The following PARN variants were observed in gnomAD, a reference collection of about 807,000 sequenced individuals.
PARN encodes poly(A)-specific ribonuclease PARN.
PARN carries 71 observed loss-of-function variants against 102.8 expected under a neutral mutation model. The ratio of observed to expected loss-of-function variants is 0.69; its 90% CI spans 0.57 to 0.84. The LOEUF is 0.84. PARN is among the 40% of genes least tolerant of loss of function. The pLI, the probability that PARN is intolerant of heterozygous loss-of-function variation, is 0.00. For missense variants in PARN, 782 were observed against 760.9 expected (o/e 1.03, Z -0.33); for synonymous variants, 261 against 252.9 (o/e 1.03, Z -0.30).
At chr16:14,560,438 T>TA (rs905483771) in intron 18 of PARN, among the ~76,000 whole-genome samples, 15 of 152,238 alleles carry the variant, frequency 9.9e-5, no homozygotes, top group Non-Finnish European at 1.5e-5. Flanking sequence ...TTTCCCCACT[T>TA]ATTCTCTAAA....
At chr16:14,550,749 A>G (rs768295488) in intron 21 of PARN, among the ~76,000 whole-genome samples, 4 of 152,208 alleles carry the variant, frequency 2.6e-5, no homozygotes, top group Non-Finnish European at 5.9e-5. Context: ...AAACAAACAC[A>G]TCACTTAAAA....
chr16:14,550,954 T>C (rs895940245), intron 21 of PARN, among the ~76,000 whole-genome samples: 3 of 152,040 alleles, frequency 2.0e-5, no homozygotes, highest in African/African-American at 7.2e-5. Context: ...GCTCCATCTT[T>C]TTAGAATCCC....
chr16:14,603,963 T>C (rs1971028632), intron 11 of PARN, among the ~76,000 whole-genome samples, 183 bp downstream of exon 11: 1 of 152,262 alleles, frequency 6.6e-6, no homozygotes, highest in Admixed American at 6.5e-5. Flanking sequence ...CTTTGCTAGC[T>C]ACGTCTCATG....
Position 14,463,852 on chromosome 16 carries a change from C to CGGGG in PARN, c.1671-16772_1671-16771insCCCC, listed in dbSNP as rs1379207947. Among the ~76,000 whole-genome samples, 25 of 106,740 alleles carry CGGGG rather than the reference C, an allele frequency of 2.3e-4. 1 individual carries two copies. Among genetic ancestry groups the CGGGG allele is most frequent in the African/African-American group, 8.6e-4 (21 of 24,434 alleles). The allele number at this position is 106,740 out of a possible 152,430, so 70.0% of individuals were successfully genotyped here. A position where few individuals can be genotyped will look rare whatever the true frequency, so the allele number is the denominator to read the frequency against. On this transcript the variant is annotated intron_variant, in intron 22 of 23. Transcript: ENST00000437198. ...ACTTTTTTTTTTGGGGGGGGGGGGA[C>CGGGG]GACAAGGTCTCACTCTGTCACCCAG...
chr16:14,589,657 G>A (rs928274830), intron 13 of PARN, among the ~76,000 whole-genome samples: 8 of 152,084 alleles, frequency 5.3e-5, no homozygotes, highest in Non-Finnish European at 7.4e-5. Flanking sequence ...CCTAAGGTCA[G>A]GAATTCGAGA....
At chr16:14,556,169 T>TATC (rs895489568) in intron 18 of PARN, among the ~76,000 whole-genome samples, 1 of 149,424 alleles carries the variant, frequency 6.7e-6, no homozygotes, top group African/African-American at 2.5e-5. Context: ...TTATTATTAT[T>TATC]ATCATTTTGA....
At chr16:14,475,928 A>G (rs568401916) in intron 22 of PARN, among the ~76,000 whole-genome samples, 1 of 152,374 alleles carries the variant, frequency 6.6e-6, no homozygotes, top group East Asian at 1.9e-4. Context: ...GGTTTACACA[A>G]TATGTAGAAG....
intron 16 of PARN, among the ~76,000 whole-genome samples, chr16:14,583,884 T>C (rs1167205158): frequency 3.3e-5 from 5 of 152,196 alleles, no homozygotes; most frequent in Non-Finnish European, 7.3e-5. Context: ...CTGCTGTTTC[T>C]ACTCTCTAAA....
chr16:14,581,537 C>A (rs1291455742), intron 17 of PARN, among the ~76,000 whole-genome samples: 2 of 152,070 alleles, frequency 1.3e-5, no homozygotes, highest in Admixed American at 1.3e-4. Flanking sequence ...CCCTAAAATT[C>A]ATATGTTGAA....
At chr16:14,597,247 G>A (rs1380393271) in intron 12 of PARN, among the ~76,000 whole-genome samples, 1 of 152,106 alleles carries the variant, frequency 6.6e-6, no homozygotes, top group Non-Finnish European at 1.5e-5. Flanking sequence ...GGATTTTCAT[G>A]GTCTCAAAGT....
intron 18 of PARN, among the ~76,000 whole-genome samples, chr16:14,579,613 T>G (rs1321433881): frequency 6.6e-6 from 1 of 152,012 alleles, no homozygotes; most frequent in East Asian, 1.9e-4. Flanking sequence ...CATCTCTCAG[T>G]TGAAAAATAC....
intron 18 of PARN, among the ~76,000 whole-genome samples, chr16:14,572,975 A>G (rs1237111581): frequency 1.3e-5 from 2 of 151,764 alleles, no homozygotes; most frequent in East Asian, 3.9e-4. Context: ...TGCAGCCTCA[A>G]CCTCCTGGGC....
At chr16:14,462,173 A>C (rs1962022523) in intron 22 of PARN, among the ~76,000 whole-genome samples, 2 of 152,196 alleles carry the variant, frequency 1.3e-5, no homozygotes, top group Non-Finnish European at 2.9e-5. Flanking sequence ...CATAAAAGAT[A>C]ATTCTACATC....
At chr16:14,525,993 T>G (rs550941210) in intron 21 of PARN, among the ~76,000 whole-genome samples, 19 of 151,440 alleles carry the variant, frequency 1.3e-4, no homozygotes, top group Non-Finnish European at 2.7e-4. Context: ...TAATTTTTTT[T>G]GTATTTTAGA....
intron 21 of PARN, among the ~76,000 whole-genome samples, chr16:14,546,912 G>A (rs748401684): frequency 1.3e-4 from 20 of 151,972 alleles, no homozygotes; most frequent in African/African-American, 4.8e-5. Flanking sequence ...GACCAACATG[G>A]TGAACCCTCG....
At chr16:14,548,219 G>A (rs974579954) in intron 21 of PARN, among the ~76,000 whole-genome samples, 4 of 151,538 alleles carry the variant, frequency 2.6e-5, no homozygotes, top group African/African-American at 7.3e-5. Context: ...CTGCACTCCA[G>A]CCTGGGTGAC....
intron 23 of PARN, among the ~76,000 whole-genome samples, chr16:14,443,327 T>C (rs1961029420): frequency 6.6e-6 from 1 of 151,408 alleles, no homozygotes; most frequent in Admixed American, 6.6e-5. Flanking sequence ...AAAGAACAGA[T>C]ATAAAGAGAT....
At chr16:14,587,235 G>A (rs1343731074) in intron 13 of PARN, among the ~76,000 whole-genome samples, 3 of 152,252 alleles carry the variant, frequency 2.0e-5, no homozygotes, top group South Asian at 4.1e-4. Flanking sequence ...GCATGAACAG[G>A]CGATTTCAAT....
intron 21 of PARN, among the ~76,000 whole-genome samples, chr16:14,542,131 A>G (rs934833879): frequency 6.6e-6 from 1 of 151,710 alleles, no homozygotes; most frequent in Non-Finnish European, 1.5e-5. Flanking sequence ...CAGCCTCCTA[A>G]GTAGCTGGGA....
Sources: gnomAD v4.1 joint callset for allele counts (sites outside exome capture counted in the v4.1 genomes callset) on GRCh38, gnomAD v4.1.1 for gene constraint, MANE v1.5 for transcripts, NCBI Gene and HGNC (gene_info 2026-07-23, HGNC 2026-07-21) for gene names.